EPB41L3: variants seen among roughly 807,000 people sequenced by gnomAD.
The protein encoded by EPB41L3 is erythrocyte membrane protein band 4.1 like 3, also known as band 4.1-like protein 3.
In EPB41L3, 57 loss-of-function variants were observed where a neutral mutation model predicts 127.1. That is an observed-to-expected ratio of 0.45 (90% CI 0.36 to 0.56). The LOEUF (loss-of-function observed/expected upper bound fraction) is 0.56. Among genes scored for constraint, EPB41L3 ranks in the 20% least tolerant of loss-of-function variants. The pLI is 0.00. For synonymous variants in EPB41L3, 572 were observed against 549.5 expected, an observed-to-expected ratio of 1.04 and a Z score of -0.57; for missense variants, 1,273 against 1,372.2, an observed-to-expected ratio of 0.93 and a Z score of 1.14.
At chr18:5,393,763 A>G (rs759651542) in intron 22 of EPB41L3, 1 of 306,732 alleles carries the variant, frequency 3.3e-6, no homozygotes, top group Non-Finnish European at 6.0e-6. Flanking sequence ...TTCTCTTTTA[A>G]GAGATGCCAC....
At chr18:5,465,224 C>A (rs540782199) in intron 3 of EPB41L3, among the ~76,000 whole-genome samples, 1 of 152,330 alleles carries the variant, frequency 6.6e-6, no homozygotes, top group Non-Finnish European at 1.5e-5. Flanking sequence ...TTAAAACAAT[C>A]TTAAGCACAA....
chr18:5,482,797 C>T (rs1490721445), intron 2 of EPB41L3, among the ~76,000 whole-genome samples: 3 of 151,968 alleles, frequency 2.0e-5, no homozygotes, highest in African/African-American at 4.8e-5. Flanking sequence ...AAATCTTTCC[C>T]GAAAGAACAA....
intron 1 of EPB41L3, among the ~76,000 whole-genome samples, chr18:5,526,510 A>T (rs1437477344): frequency 2.6e-5 from 4 of 152,190 alleles, no homozygotes; most frequent in Non-Finnish European, 5.9e-5. Context: ...ATATAAATTT[A>T]AAAATGAAGA....
At chr18:5,498,604 A>AAAAAAAG (rs1555765808) in intron 1 of EPB41L3, among the ~76,000 whole-genome samples, 2 of 148,896 alleles carry the variant, frequency 1.3e-5, no homozygotes, top group African/African-American at 2.5e-5. Context: ...CAAAAAAAAA[A>AAAAAAAG]AAAAAAAGAA....
intron 5 of EPB41L3, among the ~76,000 whole-genome samples, chr18:5,442,829 G>A (rs1364164337): frequency 1.3e-5 from 2 of 152,136 alleles, no homozygotes; most frequent in Non-Finnish European, 2.9e-5. Context: ...TGATACTGCT[G>A]GAGTAATTAC....
intron 9 of EPB41L3, 37 bp downstream of exon 9, chr18:5,428,276 T>C (rs2078506166): frequency 6.2e-7 from 1 of 1,609,012 alleles, no homozygotes; most frequent in African/African-American, 1.3e-5. Flanking sequence ...TCAGGGATCT[T>C]TCCTCCCAAC....
intron 21 of EPB41L3, 68 bp from the exon 22 acceptor site, chr18:5,394,861 G>A (rs1489737756): frequency 2.4e-5 from 35 of 1,453,228 alleles, no homozygotes; most frequent in Non-Finnish European, 3.3e-5. Flanking sequence ...CAGTGGTGAG[G>A]TGGAGACTTA....
chr18:5,516,319 G>A (rs531057771), intron 1 of EPB41L3, among the ~76,000 whole-genome samples: 5 of 152,272 alleles, frequency 3.3e-5, no homozygotes, highest in African/African-American at 4.8e-5. Flanking sequence ...TATTTATCTC[G>A]ATTATAGGGA....
chr18:5,562,989 C>A (rs375112632), intron 3 of EPB41L3, among the ~76,000 whole-genome samples: 1 of 152,310 alleles, frequency 6.6e-6, no homozygotes, highest in African/African-American at 2.4e-5. Context: ...GCTACATGAA[C>A]CAATCCTTTC....
At chr18:5,414,202 G>T (rs1255570041) in intron 13 of EPB41L3, among the ~76,000 whole-genome samples, 1 of 152,080 alleles carries the variant, frequency 6.6e-6, no homozygotes, top group African/African-American at 2.4e-5. Flanking sequence ...ATATGTTCTA[G>T]TCCAACACTA....
chr18:5,570,483 C>A (rs1179653167), intron 3 of EPB41L3, among the ~76,000 whole-genome samples: 3 of 152,152 alleles, frequency 2.0e-5, no homozygotes, highest in Non-Finnish European at 4.4e-5. Context: ...ACTAAACTAC[C>A]ATTTATAATA....
chr18:5,616,716 C>A (rs753952550), intron 1 of EPB41L3, among the ~76,000 whole-genome samples: 1 of 152,050 alleles, frequency 6.6e-6, no homozygotes, highest in Non-Finnish European at 1.5e-5. Flanking sequence ...TTATGTTTTT[C>A]AGTTTCTTAG....
intron 3 of EPB41L3, among the ~76,000 whole-genome samples, chr18:5,555,799 C>T (rs2094026154): frequency 6.6e-6 from 1 of 152,110 alleles, no homozygotes; most frequent in Admixed American, 6.6e-5. Flanking sequence ...CTTTCCAATC[C>T]CATTGTTCTC....
chr18:5,508,237 A>G (rs2092323004), intron 1 of EPB41L3: 1 of 152,214 alleles, frequency 6.6e-6, no homozygotes, highest in Non-Finnish European at 1.5e-5. Flanking sequence ...ATGATAAAAC[A>G]ATAACAAAAA....
Position 5,397,599 on chromosome 18 carries a change from C to T in EPB41L3, c.2473-173G>A, listed in dbSNP as rs1415176675. Among the ~76,000 whole-genome samples the T allele has an allele frequency of 6.6e-6, 1 of 151,510 alleles. No homozygotes were observed. The highest frequency in any genetic ancestry group is 1.5e-5 in the Non-Finnish European group (1 of 68,022). On this transcript the variant is annotated intron_variant, in intron 17 of 22. Coordinates refer to ENST00000341928, the MANE Select transcript of EPB41L3 (RefSeq NM_012307.5). The surrounding 1 kb of genome is among the most constrained non-coding windows in gnomAD (Gnocchi z 4.1). ...ATTTCTCCCACTGAAATCTCTGATGCCTGCCCCTGCCCCTGGTGCATGCAC... is the reference window on the plus strand; with the variant it reads ...ATTTCTCCCACTGAAATCTCTGATGTCTGCCCCTGCCCCTGGTGCATGCAC...
intron 3 of EPB41L3, among the ~76,000 whole-genome samples, chr18:5,460,776 T>C (rs555720328): frequency 6.6e-6 from 1 of 152,312 alleles, no homozygotes; most frequent in South Asian, 2.1e-4. Context: ...GGGTTGAGGC[T>C]TCCTCCTCTG....
intron 3 of EPB41L3, among the ~76,000 whole-genome samples, chr18:5,460,224 G>T (rs1193953311): frequency 6.6e-6 from 1 of 152,212 alleles, no homozygotes; most frequent in Non-Finnish European, 1.5e-5. Flanking sequence ...GACTGGATCA[G>T]TGGGTTCATG....
intron 16 of EPB41L3, among the ~76,000 whole-genome samples, chr18:5,404,655 AC>A (rs2075062836): frequency 6.6e-6 from 1 of 152,192 alleles, no homozygotes; most frequent in African/African-American, 2.4e-5. Context: ...AATAGCCTGG[AC>A]TTATGAAGTT....
At chr18:5,488,582 G>GATAATA (rs765331687) in intron 2 of EPB41L3, among the ~76,000 whole-genome samples, 2,777 of 148,908 alleles carry the variant, frequency 0.019, 30 homozygotes, top group African/African-American at 0.031. Context: ...TGATGATGAT[G>GATAATA]ATAATAATAA....
Sources: allele counts gnomAD v4.1 joint callset (sites outside exome capture counted in the v4.1 genomes callset), GRCh38; gene constraint gnomAD v4.1.1; non-coding constraint Gnocchi (gnomAD v3.1); transcripts MANE v1.5; gene names NCBI Gene and HGNC (gene_info 2026-07-23, HGNC 2026-07-21).